The following KCNB2 variants were observed in gnomAD, a reference collection of about 807,000 sequenced individuals.
KCNB2 encodes potassium voltage-gated channel subfamily B member 2, also known as delayed rectifier potassium channel protein.
In KCNB2, 15 loss-of-function variants were observed where a neutral mutation model predicts 61.5. That is an observed-to-expected ratio of 0.24 (90% CI 0.16 to 0.38). KCNB2 has a LOEUF of 0.38. Among genes scored for constraint, KCNB2 ranks in the 10% least tolerant of loss-of-function variants. KCNB2 has a pLI of 1.00. For missense variants in KCNB2, 828 were observed against 1,125.2 expected (o/e 0.74, Z 3.78); for synonymous variants, 457 against 446.0 (o/e 1.02, Z -0.31).
At chr8:72,864,766 C>T (rs949278865) in intron 2 of KCNB2, among the ~76,000 whole-genome samples, 4 of 152,318 alleles carry the variant, frequency 2.6e-5, no homozygotes, top group East Asian at 3.9e-4. Flanking sequence ...TTTCCTTGCA[C>T]GGCTTGATTA....
rs185229513 is a variant in KCNB2 at position 72,760,548 on chromosome 8, C to T, written c.580-175387C>T. Among the ~76,000 whole-genome samples the T allele has an allele frequency of 2.0e-5, 3 of 152,256 alleles. No individual in the cohort carries two copies. In the East Asian group the frequency reaches 5.8e-4, roughly 29 times the overall value. On this transcript the variant is annotated intron_variant, in intron 2 of 2. Coordinates refer to ENST00000523207, the MANE Select transcript of KCNB2 (RefSeq NM_004770.3). ...TAGGCACTCAGGCCCCATCCCAGACCTACTAAATCAGAAACACATGAGATG... is the reference window on the plus strand; with the variant it reads ...TAGGCACTCAGGCCCCATCCCAGACTTACTAAATCAGAAACACATGAGATG...
At chr8:72,903,673 T>C (rs1169205042) in intron 2 of KCNB2, among the ~76,000 whole-genome samples, 1 of 152,162 alleles carries the variant, frequency 6.6e-6, no homozygotes, top group Non-Finnish European at 1.5e-5. Flanking sequence ...AAATAACCTC[T>C]CAAATATTCC....
At chr8:72,850,089 G>C (rs17188440) in intron 2 of KCNB2, among the ~76,000 whole-genome samples, 43,330 of 151,826 alleles carry the variant, frequency 0.29, 6,295 homozygotes, top group South Asian at 0.41. Flanking sequence ...ACAATAACAG[G>C]AAATTTTCAG....
intron 2 of KCNB2, among the ~76,000 whole-genome samples, chr8:72,912,583 A>G (rs1167457341): frequency 3.3e-5 from 5 of 151,062 alleles, no homozygotes; most frequent in African/African-American, 4.8e-5. Flanking sequence ...TATATAATCT[A>G]TTATGTCTTG....
chr8:72,605,803 G>A (rs1387883558), intron 2 of KCNB2, among the ~76,000 whole-genome samples: 1 of 151,924 alleles, frequency 6.6e-6, no homozygotes, highest in Non-Finnish European at 1.5e-5. Context: ...AGAGAAGATG[G>A]TAATTAAATA....
At chr8:72,768,062 T>G (rs984451735) in intron 2 of KCNB2, among the ~76,000 whole-genome samples, 2 of 152,236 alleles carry the variant, frequency 1.3e-5, no homozygotes, top group Non-Finnish European at 2.9e-5. Flanking sequence ...TAATTGTATT[T>G]AACTTTTTAT....
chr8:72,763,769 A>T (rs1808421755), intron 2 of KCNB2, among the ~76,000 whole-genome samples: 1 of 152,174 alleles, frequency 6.6e-6, no homozygotes, highest in Non-Finnish European at 1.5e-5. Flanking sequence ...AATATGATAA[A>T]AGACTAAATA....
chr8:72,936,915 C>G lies in KCNB2; in HGVS notation c.1560C>G (p.Ser520=). The G allele has an allele frequency of 1.2e-6, 2 of 1,614,090 alleles. No homozygotes were observed. The highest frequency in any genetic ancestry group is 1.7e-6 in the Non-Finnish European group (2 of 1,180,020). The change falls in exon 3 of 3, where the codon TCC becomes TCG. Residue 520 remains serine (S), a synonymous_variant. Transcript: ENST00000523207. The surrounding 1 kb of genome is among the most constrained non-coding windows in gnomAD (Gnocchi z 5.6). ...NKYQEVSQKD[S]HEQLNNTSSS... is the part of the protein sequence containing the mutation. Reference sequence around the variant, plus strand: ...ACCAGGAGGTTAGCCAAAAAGACTCCCACGAGCAGCTGAACAACACGTCTT... The same window carrying G: ...ACCAGGAGGTTAGCCAAAAAGACTCGCACGAGCAGCTGAACAACACGTCTT...
At chr8:72,746,651 C>T (rs568207306) in intron 2 of KCNB2, among the ~76,000 whole-genome samples, 3 of 152,122 alleles carry the variant, frequency 2.0e-5, no homozygotes, top group Non-Finnish European at 2.9e-5. Context: ...ACATGTGTGA[C>T]AGCTGTAAGG....
At position 72,869,888 on chromosome 8, in the gene KCNB2, C is replaced by T. The variant is rs1805590118; in HGVS notation, c.580-66047C>T. Among the ~76,000 whole-genome samples the T allele has an allele frequency of 3.3e-5, 5 of 152,122 alleles. No individual in the cohort carries two copies. The South Asian group carries it at 1.0e-3, about 32-fold the overall frequency. ...TCAGGATTTCAAGGTGGTATCTGCA[C>T]CCCCCTATTCACTGCGGTATTATTC... On this transcript the variant is annotated intron_variant, in intron 2 of 2. Transcript: ENST00000523207.
At chr8:72,755,897 T>C (rs991150668) in intron 2 of KCNB2, among the ~76,000 whole-genome samples, 8 of 152,284 alleles carry the variant, frequency 5.3e-5, no homozygotes, top group Middle Eastern at 3.4e-3. Flanking sequence ...TAGGAACCGG[T>C]AGCATCTTCA....
chr8:72,860,771 C>T (rs1810286937), intron 2 of KCNB2, among the ~76,000 whole-genome samples: 2 of 152,182 alleles, frequency 1.3e-5, no homozygotes, highest in Admixed American at 1.3e-4. Context: ...TAAATGGTCA[C>T]AAGAACAGAT....
chr8:72,655,373 A>G (rs1806274911), intron 2 of KCNB2, among the ~76,000 whole-genome samples: 1 of 152,124 alleles, frequency 6.6e-6, no homozygotes, highest in African/African-American at 2.4e-5. Flanking sequence ...GAGATGAAAT[A>G]ACCTGTACAC....
chr8:72,663,277 A>C (rs1290303262), intron 2 of KCNB2, among the ~76,000 whole-genome samples: 1 of 152,206 alleles, frequency 6.6e-6, no homozygotes, highest in East Asian at 1.9e-4. Context: ...GAAAGTGAGG[A>C]AGTATTCCAA....
At chr8:72,775,618 C>A (rs1231688116) in intron 2 of KCNB2, among the ~76,000 whole-genome samples, 2 of 152,084 alleles carry the variant, frequency 1.3e-5, no homozygotes, top group Non-Finnish European at 2.9e-5. Context: ...TGGCAACACC[C>A]CTCAGCCTTG....
chr8:72,634,665 A>G (rs1427781475), intron 2 of KCNB2, among the ~76,000 whole-genome samples: 2 of 152,222 alleles, frequency 1.3e-5, no homozygotes, highest in Non-Finnish European at 2.9e-5. Flanking sequence ...TTTCCTCAGC[A>G]CAGGAAGAAC....
intron 2 of KCNB2, among the ~76,000 whole-genome samples, chr8:72,860,593 C>T (rs1366064766): frequency 6.6e-6 from 1 of 152,174 alleles, no homozygotes; most frequent in Admixed American, 6.5e-5. Context: ...TGTTTCTGCT[C>T]ACATCTATAA....
intron 1 of KCNB2, among the ~76,000 whole-genome samples, chr8:72,554,296 A>G (rs1247678500): frequency 2.6e-5 from 4 of 152,122 alleles, no homozygotes; most frequent in Non-Finnish European, 5.9e-5. Flanking sequence ...TTGTTTTGGA[A>G]AGAGGAGACA....
Position 72,647,736 on chromosome 8 carries a change from A to C in KCNB2, c.579+79423A>C, listed in dbSNP as rs191518391. On this transcript the variant is annotated intron_variant, in intron 2 of 2. Transcript: ENST00000523207. ...AGAGTCAAAAGAAGAGAAAAATTAC[A>C]AAGTGTTGGTCAGTGTACATACAAT... is the stretch of plus-strand genomic sequence containing the variant. 7.2e-4 allele frequency among the ~76,000 whole-genome samples: 110 copies of C among 152,238 alleles called. 1 individual carries two copies. Among genetic ancestry groups the C allele is most frequent in the East Asian group, 3.1e-3 (16 of 5,172 alleles).
Sources: allele counts gnomAD v4.1 joint callset (sites outside exome capture counted in the v4.1 genomes callset), GRCh38; gene constraint gnomAD v4.1.1; non-coding constraint Gnocchi (gnomAD v3.1); transcripts MANE v1.5; gene names NCBI Gene and HGNC (gene_info 2026-07-23, HGNC 2026-07-21).